Variants in NAV2 observed in about 807,000 individuals in gnomAD.
The protein encoded by NAV2 is helicase, APC down-regulated 1.
In NAV2, 54 loss-of-function variants were observed where a neutral mutation model predicts 223.2. That is an observed-to-expected ratio of 0.24 (90% confidence interval 0.19 to 0.30). NAV2 has a LOEUF of 0.30. NAV2 is among the 10% of genes least tolerant of loss of function. The pLI is 1.00. For synonymous variants in NAV2, 1,279 were observed against 1,239.3 expected, an observed-to-expected ratio of 1.03 and a Z score of -0.67; for missense variants, 2,806 against 3,147.5, an observed-to-expected ratio of 0.89 and a Z score of 2.60.
rs2040875239 is a variant in NAV2, at chr11:19,885,464, C to T, written c.770+5337C>T. Among the ~76,000 whole-genome samples, 3 of 152,218 alleles carry T rather than the reference C, an allele frequency of 2.0e-5. No homozygotes were observed. The South Asian group carries it at 6.2e-4, about 32-fold the overall frequency. On this transcript the variant is annotated intron_variant, in intron 5 of 37. Coordinates refer to ENST00000349880, the MANE Select transcript of NAV2 (RefSeq NM_145117.5). ...CCTTGTGGCATCCTAACAGAAATTG[C>T]TGCTGGGGTAGAATCTCCTTATTAT...
chr11:19,718,769 G>GTGGTTA (rs561041811), intron 1 of NAV2, among the ~76,000 whole-genome samples: 3,320 of 152,192 alleles, frequency 0.022, 118 homozygotes, highest in African/African-American at 0.075. Flanking sequence ...GGTACTGGTG[G>GTGGTTA]CTTATTCAGG....
chr11:19,437,675 T>C (rs1851261225), intron 1 of NAV2, among the ~76,000 whole-genome samples: 1 of 151,860 alleles, frequency 6.6e-6, no homozygotes, highest in South Asian at 2.1e-4. Flanking sequence ...AAACCATTGG[T>C]TATAACATTC....
At chr11:19,527,791 T>C (rs895748525) in intron 1 of NAV2, among the ~76,000 whole-genome samples, 1 of 152,198 alleles carries the variant, frequency 6.6e-6, no homozygotes, top group Non-Finnish European at 1.5e-5. Context: ...CTTAGGCTCT[T>C]GATTTGCATC....
chr11:19,399,018 C>T (rs546074816), intron 1 of NAV2, among the ~76,000 whole-genome samples: 70 of 152,312 alleles, frequency 4.6e-4, no homozygotes, highest in African/African-American at 1.5e-3. Context: ...ATGCATCAGC[C>T]TCATAAAATG....
chr11:19,877,370 A>G (rs11025306), intron 4 of NAV2, among the ~76,000 whole-genome samples: 22,835 of 151,914 alleles, frequency 0.15, 1,770 homozygotes, highest in African/African-American at 0.17. Flanking sequence ...AATTAGCAGT[A>G]CTTTCTCCCT....
chr11:19,713,959 C>T lies in NAV2; in HGVS notation c.264C>T (p.Thr88=). ...GCTCGGTGGAAAACGGGTTCGATAC[C>T]CAGGTGAGAGATGCCGTTTGCCGGG... ...KSGSVENGFD[T]QIYTDWANHY... The change falls in exon 1 of 38, where the codon ACC becomes ACT. Residue 88 remains threonine, a synonymous_variant. Transcript: ENST00000349880. This position sits in a 1 kb window ranked among gnomAD's most constrained non-coding sequence, Gnocchi z 7.2. 1 of 1,612,868 alleles carries T rather than the reference C, an allele frequency of 6.2e-7. No individual in the cohort carries two copies. The highest frequency in any genetic ancestry group is 8.5e-7 in the Non-Finnish European group (1 of 1,179,806).
intron 11 of NAV2, among the ~76,000 whole-genome samples, chr11:20,008,127 G>A (rs1038697520): frequency 6.6e-6 from 1 of 152,130 alleles, no homozygotes; most frequent in Non-Finnish European, 1.5e-5. Context: ...AGCACTTTGG[G>A]AGGCCAAGGC....
At chr11:19,818,231 A>ATTT (rs34649376) in intron 1 of NAV2, among the ~76,000 whole-genome samples, 1,054 of 56,020 alleles carry the variant, frequency 0.019, 261 homozygotes, top group African/African-American at 0.072. Context: ...GTATTTAGTG[A>ATTT]TTTTTTTTTT....
intron 6 of NAV2, among the ~76,000 whole-genome samples, chr11:19,926,597 GA>G (rs939426325): frequency 6.7e-6 from 1 of 150,014 alleles, no homozygotes; most frequent in East Asian, 2.0e-4. Flanking sequence ...GGATGACTCT[GA>G]AAACAGTCTC....
At chr11:19,384,401 A>C (rs1470779189) in intron 1 of NAV2, among the ~76,000 whole-genome samples, 1 of 152,234 alleles carries the variant, frequency 6.6e-6, no homozygotes, top group Non-Finnish European at 1.5e-5. Context: ...ATCCTTTATC[A>C]TCTTTATCAT....
intron 1 of NAV2, among the ~76,000 whole-genome samples, chr11:19,363,155 T>C (rs1040620423): frequency 6.6e-6 from 1 of 151,856 alleles, no homozygotes; most frequent in Non-Finnish European, 1.5e-5. Flanking sequence ...CGACAGGCCC[T>C]GGTGTGTGAT....
At chr11:19,965,099 G>T (rs1209502449) in intron 10 of NAV2, among the ~76,000 whole-genome samples, 1 of 152,022 alleles carries the variant, frequency 6.6e-6, no homozygotes, top group Admixed American at 6.6e-5. Flanking sequence ...GATTACAGGT[G>T]TGAGCCACTG....
chr11:19,842,342 A>G (rs1332889082), intron 2 of NAV2, among the ~76,000 whole-genome samples: 3 of 152,186 alleles, frequency 2.0e-5, no homozygotes, highest in African/African-American at 4.8e-5. Context: ...ACATAGTGAG[A>G]AAGTGATGAA....
In NAV2 at chr11:19,878,388, A is replaced by G. The variant is rs1391912007; in HGVS notation, c.512-1481A>G. ...AGTGTGCTTTTGCCTAAGTGCTCCC[A>G]TTAGTTCTGCAAAACAACCTTGTGC... On this transcript the variant is annotated intron_variant, in intron 4 of 37. Transcript: ENST00000349880. Among the ~76,000 whole-genome samples, 5 of 152,218 alleles carry G rather than the reference A, an allele frequency of 3.3e-5. No individual in the cohort carries two copies. In the South Asian group the frequency reaches 6.2e-4, roughly 19 times the overall value.
intron 12 of NAV2, among the ~76,000 whole-genome samples, chr11:20,040,786 G>A (rs368714803): frequency 6.6e-6 from 1 of 152,334 alleles, no homozygotes; most frequent in East Asian, 1.9e-4. Flanking sequence ...AGAACTCTTC[G>A]TACGTCCCCA....
chr11:19,362,808 C>T (rs112829309), intron 1 of NAV2, among the ~76,000 whole-genome samples: 7 of 152,136 alleles, frequency 4.6e-5, no homozygotes, highest in African/African-American at 1.7e-4. Context: ...GAGAATTAAA[C>T]ATGTTAATAA....
chr11:19,402,668 T>C (rs1160468180), intron 1 of NAV2, among the ~76,000 whole-genome samples: 2 of 152,368 alleles, frequency 1.3e-5, no homozygotes, highest in Non-Finnish European at 1.5e-5. Flanking sequence ...TAGACATTTA[T>C]TGGATAACAG....
intron 1 of NAV2, among the ~76,000 whole-genome samples, chr11:19,585,804 C>T (rs2045877992): frequency 1.3e-5 from 2 of 152,188 alleles, no homozygotes; most frequent in Admixed American, 1.3e-4. Context: ...TCTCTGGCTG[C>T]CCGTAACATT....
At chr11:19,989,728 A>G (rs2051142781) in intron 11 of NAV2, among the ~76,000 whole-genome samples, 1 of 152,016 alleles carries the variant, frequency 6.6e-6, no homozygotes, top group Admixed American at 6.6e-5. Context: ...TTGAGAGGAG[A>G]TGTTATCCTG....
Sources: gnomAD v4.1 joint callset for allele counts (sites outside exome capture counted in the v4.1 genomes callset) on GRCh38, gnomAD v4.1.1 for gene constraint, Gnocchi (gnomAD v3.1) non-coding constraint, MANE v1.5 for transcripts, NCBI Gene and HGNC (gene_info 2026-07-23, HGNC 2026-07-21) for gene names.